Variants in MORC2 observed in about 807,000 individuals in gnomAD.
The protein encoded by MORC2 is ATPase MORC2.
A neutral mutation model predicts 136.0 loss-of-function variants in MORC2; 30 were observed. The ratio of observed to expected loss-of-function variants is 0.22; its 90% confidence interval spans 0.17 to 0.30. The LOEUF is 0.30. Among genes scored for constraint, MORC2 ranks in the 10% least tolerant of loss-of-function variants. The probability of loss-of-function intolerance (pLI) is 1.00; values close to 1 mark genes in which losing one functional copy is unlikely to be tolerated. For synonymous variants in MORC2, 439 were observed against 487.0 expected, an observed-to-expected ratio of 0.90 and a Z score of 1.30; for missense variants, 922 against 1,333.1, an observed-to-expected ratio of 0.69 and a Z score of 4.80.
intron 1 of MORC2, among the ~76,000 whole-genome samples, chr22:30,960,680 G>C (rs902540198): frequency 2.0e-5 from 3 of 151,190 alleles, no homozygotes; most frequent in Non-Finnish European, 4.4e-5. Context: ...TAGTAGAGAC[G>C]GGGTTTCTCC....
In MORC2 at chr22:30,934,318, A is replaced by C; in HGVS notation, c.2194-127T>G. On this transcript the variant is annotated intron_variant, in intron 19 of 25. Coordinates refer to ENST00000397641, the MANE Select transcript of MORC2 (RefSeq NM_001303256.3). This position sits in a 1 kb window ranked among gnomAD's most constrained non-coding sequence, Gnocchi z 4.4. The stretch of plus-strand genomic sequence containing the variant: ...CTCCCTGCAATCCCTGCCTGACATT[A>C]CTTGGAATGTACACAGGCAACCCAC... 3 of 1,355,692 alleles carry C rather than the reference A, an allele frequency of 2.2e-6. No individual in the cohort carries two copies. The highest frequency in any genetic ancestry group is 3.0e-6 in the Non-Finnish European group (3 of 1,000,032). 84.0% of individuals were successfully genotyped at this position (1,355,692 alleles called of 1,614,324 possible).
At chr22:30,963,317 T>C in intron 1 of MORC2, 1 of 984,448 alleles carries the variant, frequency 1.0e-6, no homozygotes, top group Non-Finnish European at 1.2e-6. Context: ...CCTTTGCATG[T>C]GATCCAAGAA....
At chr22:30,955,395 T>C (rs2040951906) in intron 3 of MORC2, among the ~76,000 whole-genome samples, 1 of 152,218 alleles carries the variant, frequency 6.6e-6, no homozygotes, top group Non-Finnish European at 1.5e-5. Context: ...GCTTTCAGAA[T>C]TGAAGCAGTA....
intron 25 of MORC2, 51 bp downstream of exon 25, chr22:30,927,968 T>C: frequency 1.9e-6 from 3 of 1,603,184 alleles, no homozygotes; most frequent in Non-Finnish European, 2.6e-6. Flanking sequence ...CAGGCCCCCC[T>C]CCCTGAGAGA....
In MORC2 at chr22:30,950,419, A is replaced by G; in HGVS notation, c.184T>C (p.Phe62Leu). 1 of 1,612,542 alleles carries G rather than the reference A, an allele frequency of 6.2e-7. No individual in the cohort carries two copies. The change falls in exon 4 of 26, where the codon TTT becomes CTT. Residue 62 changes from phenylalanine to leucine, a missense_variant. This residue lies in a region of MORC2 where 57 missense variants were observed against 71.8 expected (regional missense o/e 0.79). Transcript: ENST00000397641. Reference protein sequence around the residue: ...AERREDLRGGFMLCFLDDGAG... With the variant: ...AERREDLRGGLMLCFLDDGAG... The stretch of plus-strand genomic sequence containing the variant: ...CCATCATCCAAAAAGCAAAGCATAA[A>G]TCCTCCTCGAAGGTCCTCTCGTCTT...
rs766508381 is a variant in MORC2, at chr22:30,936,574, T to C, written c.1674A>G (p.Glu558=). 2.5e-6 allele frequency: 4 copies of C among 1,614,104 alleles called. No homozygotes were observed. The highest frequency in any genetic ancestry group is 3.3e-5 in the Admixed American group (2 of 60,000). ...TCTCTGTCAGTTGTTTCTGCTTCTCTTCCTGCGTCTTCATGTCCTTTCTGA... is the reference window on the plus strand; with the variant it reads ...TCTCTGTCAGTTGTTTCTGCTTCTCCTCCTGCGTCTTCATGTCCTTTCTGA... ...GTFRKDMKTQ[E]EKQKQLTEKI... is the part of the protein sequence containing the mutation. The change falls in exon 17 of 26, where the codon GAA becomes GAG. Residue 558 remains glutamate (E), a synonymous_variant. Coordinates refer to ENST00000397641, the MANE Select transcript of MORC2 (RefSeq NM_001303256.3).
intron 10 of MORC2, among the ~76,000 whole-genome samples, chr22:30,940,315 A>G (rs1285701583): frequency 2.6e-5 from 4 of 151,966 alleles, no homozygotes; most frequent in African/African-American, 9.7e-5. Flanking sequence ...AAAAACACCT[A>G]AGGCAACCAG....
chr22:30,934,400 T>G lies in MORC2; in HGVS notation c.2194-209A>C, dbSNP rs2040622555. Among the ~76,000 whole-genome samples the G allele has an allele frequency of 6.6e-6, 1 of 152,168 alleles. No individual in the cohort carries two copies. Among genetic ancestry groups the G allele is most frequent in the African/African-American group, 2.4e-5 (1 of 41,442 alleles). On this transcript the variant is annotated intron_variant, in intron 19 of 25. Coordinates refer to ENST00000397641, the MANE Select transcript of MORC2 (RefSeq NM_001303256.3). This position sits in a 1 kb window ranked among gnomAD's most constrained non-coding sequence, Gnocchi z 4.4. ...AGCTATCATAGGAGAAGCTTCTCAA[T>G]TCCCTTCCCACCTTAGTCTACCTGG... is the stretch of plus-strand genomic sequence containing the variant.
intron 12 of MORC2, among the ~76,000 whole-genome samples, chr22:30,939,176 A>G (rs570454250): frequency 1.3e-5 from 2 of 152,350 alleles, no homozygotes; most frequent in African/African-American, 2.4e-5. Flanking sequence ...AATCTCCAGC[A>G]TTATTCTACA....
chr22:30,931,242 G>A (rs938362741), intron 24 of MORC2, among the ~76,000 whole-genome samples: 1 of 152,224 alleles, frequency 6.6e-6, no homozygotes, highest in Non-Finnish European at 1.5e-5. Context: ...GGCCGAATCA[G>A]CCTGCCAAGT....
chr22:30,967,335 G>A (rs1048986344), intron 1 of MORC2: 2 of 987,464 alleles, frequency 2.0e-6, no homozygotes, highest in African/African-American at 1.7e-5. Context: ...CAATCTGCCA[G>A]GAAGATAATG....
rs1386742262 is a variant in MORC2, at chr22:30,941,419, G to T, written c.824+14C>A. On this transcript the variant is annotated intron_variant, in intron 9 of 25. Transcript: ENST00000397641. The surrounding 1 kb of genome is among the most constrained non-coding windows in gnomAD (Gnocchi z 4.6). The stretch of plus-strand genomic sequence containing the variant: ...CCCATGGGAGACAGCAGGCCAAGGG[G>T]CACTGGCCCCTACCTGGGCTTGTAC... 1 of 1,613,392 alleles carries T rather than the reference G, an allele frequency of 6.2e-7. No homozygotes were observed.
rs556875236 is a variant in MORC2 at position 30,938,562 on chromosome 22, A to G, written c.1074-357T>C. Among the ~76,000 whole-genome samples, 4 of 152,278 alleles carry G rather than the reference A, an allele frequency of 2.6e-5. No homozygotes were observed. In the South Asian group the frequency reaches 8.3e-4, roughly 32 times the overall value. ...CCTTCCCCAAAATTCCACTAGTATG[A>G]TAGTAAATTATTATAATTTTTTTTT... On this transcript the variant is annotated intron_variant, in intron 12 of 25. Transcript: ENST00000397641.
chr22:30,942,936 C>T lies in MORC2; in HGVS notation c.427-665G>A, dbSNP rs183767919. ...AGGAGAATTGCTTGAATCTGGGAGGCGGAGGTTGCAGTGAGCTGAGATCGT... is the reference window on the plus strand; with the variant it reads ...AGGAGAATTGCTTGAATCTGGGAGGTGGAGGTTGCAGTGAGCTGAGATCGT... On this transcript the variant is annotated intron_variant, in intron 6 of 25. Transcript: ENST00000397641. 4.3e-3 allele frequency among the ~76,000 whole-genome samples: 650 copies of T among 152,192 alleles called. 1 individual carries two copies. Among genetic ancestry groups the T allele is most frequent in the Non-Finnish European group, 7.6e-3 (520 of 67,996 alleles).
rs372809119 is a variant in MORC2 at position 30,959,689 on chromosome 22, T to G, written c.69-995A>C. Among the ~76,000 whole-genome samples, 6 of 152,284 alleles carry G rather than the reference T, an allele frequency of 3.9e-5. No homozygotes were observed. In the South Asian group the frequency reaches 1.2e-3, roughly 32 times the overall value. ...TTAAATACAATATTAACCCACATAA[T>G]ACATGACCATCAATTTTTCAAAAAT... On this transcript the variant is annotated intron_variant, in intron 1 of 25. Coordinates refer to ENST00000397641, the MANE Select transcript of MORC2 (RefSeq NM_001303256.3).
At chr22:30,953,780 C>A (rs1222358615) in intron 3 of MORC2, among the ~76,000 whole-genome samples, 1 of 152,134 alleles carries the variant, frequency 6.6e-6, no homozygotes, top group Non-Finnish European at 1.5e-5. Context: ...TAATAATAAT[C>A]CAACTAATAA....
intron 1 of MORC2, among the ~76,000 whole-genome samples, chr22:30,966,480 G>A (rs1327293121): frequency 6.6e-6 from 1 of 152,124 alleles, no homozygotes; most frequent in Non-Finnish European, 1.5e-5. Context: ...ATTCAACCTA[G>A]GTGACTGCTA....
chr22:30,967,088 G>A (rs2041139350), intron 1 of MORC2: 1 of 984,210 alleles, frequency 1.0e-6, no homozygotes, highest in African/African-American at 1.7e-5. Context: ...AGTAACAGGT[G>A]AATGTATTAA....
chr22:30,949,098 C>T (rs2040855563), intron 5 of MORC2, among the ~76,000 whole-genome samples: 1 of 152,198 alleles, frequency 6.6e-6, no homozygotes, highest in Non-Finnish European at 1.5e-5. Context: ...CTTATTCCAT[C>T]CAAAGGTATG....
Sources: gnomAD v4.1 joint callset for allele counts (sites outside exome capture counted in the v4.1 genomes callset) on GRCh38, gnomAD v4.1.1 for gene constraint, gnomAD v4.1.1 regional missense constraint, Gnocchi (gnomAD v3.1) non-coding constraint, MANE v1.5 for transcripts, NCBI Gene and HGNC (gene_info 2026-07-23, HGNC 2026-07-21) for gene names.